Variants in TRIM23 observed in about 807,000 individuals in gnomAD.
TRIM23 encodes E3 ubiquitin-protein ligase TRIM23.
A neutral mutation model predicts 71.0 loss-of-function variants in TRIM23; 27 were observed. The observed-to-expected ratio is 0.38, with a 90% CI of 0.28 to 0.52. The LOEUF is 0.52. TRIM23 is among the 20% of genes least tolerant of loss of function. The probability of loss-of-function intolerance (pLI) is 0.84; values close to 1 mark genes in which losing one functional copy is unlikely to be tolerated. For missense variants in TRIM23, 482 were observed against 692.3 expected, an observed-to-expected ratio of 0.70 and a Z score of 3.41; for synonymous variants, 234 against 238.0, an observed-to-expected ratio of 0.98 and a Z score of 0.16.
intron 1 of TRIM23, among the ~76,000 whole-genome samples, chr5:65,623,981 C>T (rs1003330210): frequency 2.0e-5 from 3 of 152,168 alleles, no homozygotes; most frequent in Non-Finnish European, 4.4e-5. Context: ...CACAAATGTC[C>T]CGATGATGAC....
Position 65,610,986 on chromosome 5 carries a change from G to C in TRIM23, c.703C>G (p.His235Asp), listed in dbSNP as rs760798136. Residue 235 changes from histidine to aspartate, a missense_variant, in exon 5 of 11, where the codon CAC becomes GAC. Physicochemically the swap from His to Asp is moderately conservative, Grantham distance 81. Around this residue, in one of 2 missense-constraint regions of TRIM23, gnomAD observed 307 missense variants for 495.8 expected, o/e 0.62. Transcript: ENST00000231524. The stretch of plus-strand genomic sequence containing the variant: ...TCCTCTGTGAAGGTCCGTATGCAGT[G>C]AGCCATATCTAAAATTGATGCTCGG... The part of the protein sequence containing the change: ...QIRASILDMA[H>D]CIRTFTEEIS... 1 of 1,613,628 alleles carries C rather than the reference G, an allele frequency of 6.2e-7. No individual in the cohort carries two copies. Among genetic ancestry groups the C allele is most frequent in the Non-Finnish European group, 8.5e-7 (1 of 1,179,864 alleles).
chr5:65,592,142 G>T (rs548696034), intron 10 of TRIM23, among the ~76,000 whole-genome samples, 194 bp from the exon 11 acceptor site: 2 of 152,140 alleles, frequency 1.3e-5, no homozygotes, highest in Non-Finnish European at 2.9e-5. Flanking sequence ...ATTTATATGT[G>T]TGTGTATGTA....
At chr5:65,609,956 C>T (rs1165210298) in intron 5 of TRIM23, among the ~76,000 whole-genome samples, 1 of 152,138 alleles carries the variant, frequency 6.6e-6, no homozygotes, top group African/African-American at 2.4e-5. Flanking sequence ...ATTATCAGCT[C>T]TCTTTCATAG....
intron 6 of TRIM23, 85 bp downstream of exon 6, chr5:65,609,158 A>G: frequency 2.2e-6 from 3 of 1,378,462 alleles, no homozygotes; most frequent in Non-Finnish European, 3.0e-6. Flanking sequence ...GACACAAAAT[A>G]TTAATAAAAC....
chr5:65,601,674 C>T (rs545147198), intron 7 of TRIM23, among the ~76,000 whole-genome samples: 2 of 152,256 alleles, frequency 1.3e-5, no homozygotes, highest in East Asian at 3.9e-4. Flanking sequence ...CCCTCCAAAC[C>T]CTGCCCTTAC....
chr5:65,590,894 C>T lies in TRIM23; in HGVS notation c.*875G>A, dbSNP rs1754002528. 5 of 985,090 alleles carry T rather than the reference C, an allele frequency of 5.1e-6. No homozygotes were observed. Among genetic ancestry groups the T allele is most frequent in the Non-Finnish European group, 4.8e-6 (4 of 829,866 alleles). 61.0% of individuals were successfully genotyped at this position (985,090 alleles called of 1,614,324 possible). A position where few individuals can be genotyped will look rare whatever the true frequency, so the allele number is the denominator to read the frequency against. ...TTAAATAAAGCCAACCCTGGTTCTGCGTTACTTACTACATTTTACCTATAG... is the reference window on the plus strand; with the variant it reads ...TTAAATAAAGCCAACCCTGGTTCTGTGTTACTTACTACATTTTACCTATAG... On this transcript the variant is annotated 3_prime_UTR_variant, in exon 11 of 11. Coordinates refer to ENST00000231524, the MANE Select transcript of TRIM23 (RefSeq NM_001656.4).
At chr5:65,619,044 T>C (rs968587128) in intron 1 of TRIM23, among the ~76,000 whole-genome samples, 1 of 152,214 alleles carries the variant, frequency 6.6e-6, no homozygotes, top group Non-Finnish European at 1.5e-5. Flanking sequence ...CTAAGTATAT[T>C]TGTAGTGTTT....
At chr5:65,598,690 G>A (rs142189183) in intron 7 of TRIM23, among the ~76,000 whole-genome samples, 2,886 of 151,672 alleles carry the variant, frequency 0.019, 71 homozygotes, top group African/African-American at 0.058. Flanking sequence ...GGAGAATGCA[G>A]TGAGCCGAGA....
chr5:65,615,686 A>G (rs1754759880), intron 2 of TRIM23, among the ~76,000 whole-genome samples: 2 of 152,374 alleles, frequency 1.3e-5, no homozygotes, highest in East Asian at 3.9e-4. Flanking sequence ...TAAGAAGTAC[A>G]CTAAGTGATC....
chr5:65,609,199 C>T (rs775869177), intron 6 of TRIM23, 44 bp downstream of exon 6: 8 of 1,593,050 alleles, frequency 5.0e-6, no homozygotes, highest in African/African-American at 2.7e-5. Flanking sequence ...TAATTATCTA[C>T]TTAAACTTAC....
At chr5:65,594,279 G>A (rs1037966474) in intron 10 of TRIM23, among the ~76,000 whole-genome samples, 1 of 152,008 alleles carries the variant, frequency 6.6e-6, no homozygotes, top group South Asian at 2.1e-4. Context: ...AGTCTTCTTC[G>A]TATTCAGATC....
Position 65,611,646 on chromosome 5 carries a change from A to G in TRIM23, c.602T>C (p.Met201Thr). Residue 201 changes from methionine (M) to threonine (T), a missense_variant, in exon 4 of 11, where the codon ATG becomes ACG. By Grantham distance (81) the Met-to-Thr change is moderately conservative (BLOSUM62 -1). Transcript: ENST00000231524. The stretch of plus-strand genomic sequence containing the variant: ...TCCATATTCTTTGCAGACACAGCAC[A>G]TGAGTGGGCTAGTTTGACAACCTTC... ...LEEGCQTSPL[M>T]CCVCKEYGKH... The G allele has an allele frequency of 6.2e-7, 1 of 1,614,220 alleles. No homozygotes were observed. The highest frequency in any genetic ancestry group is 1.3e-5 in the African/African-American group (1 of 75,060).
rs1456989431 is a variant in TRIM23, at chr5:65,624,184, G to C, written c.81+10C>G. On this transcript the variant is annotated intron_variant, in intron 1 of 10. Transcript: ENST00000231524. ...CGATGGTGGAGAATAGAGCACGCAAGGTCCCTCACCTTCACTACAGCTGTC... is the reference window on the plus strand; with the variant it reads ...CGATGGTGGAGAATAGAGCACGCAACGTCCCTCACCTTCACTACAGCTGTC... 1 of 1,614,168 alleles carries C rather than the reference G, an allele frequency of 6.2e-7. No homozygotes were observed. The highest frequency in any genetic ancestry group is 1.3e-5 in the African/African-American group (1 of 75,074).
intron 3 of TRIM23, among the ~76,000 whole-genome samples, chr5:65,612,522 A>T (rs1263306721): frequency 6.7e-6 from 1 of 149,718 alleles, no homozygotes; most frequent in Non-Finnish European, 1.5e-5. Flanking sequence ...ATTTAAGCAA[A>T]TAAAAAAAAA....
At chr5:65,611,521 T>C in intron 4 of TRIM23, 82 bp downstream of exon 4, 1 of 1,476,266 alleles carries the variant, frequency 6.8e-7, no homozygotes, top group Non-Finnish European at 9.1e-7. Flanking sequence ...ACTTTCAGAA[T>C]AAAGAACCAG....
intron 7 of TRIM23, among the ~76,000 whole-genome samples, chr5:65,601,436 A>G (rs1438943628): frequency 6.6e-6 from 1 of 152,210 alleles, no homozygotes; most frequent in Non-Finnish European, 1.5e-5. Context: ...TGGCAGCAGC[A>G]AGAGAAAAAT....
At chr5:65,610,012 A>T (rs1754610852) in intron 5 of TRIM23, among the ~76,000 whole-genome samples, 1 of 152,126 alleles carries the variant, frequency 6.6e-6, no homozygotes, top group African/African-American at 2.4e-5. Context: ...AATACACCCA[A>T]AATCTGATCA....
At chr5:65,613,350 C>A (rs1754699845) in intron 3 of TRIM23, among the ~76,000 whole-genome samples, 1 of 152,124 alleles carries the variant, frequency 6.6e-6, no homozygotes, top group Non-Finnish European at 1.5e-5. Flanking sequence ...AAGAAATCAT[C>A]ATCTAATGAA....
At chr5:65,595,328 C>T (rs958645959) in intron 9 of TRIM23, among the ~76,000 whole-genome samples, 7 of 151,948 alleles carry the variant, frequency 4.6e-5, no homozygotes, top group African/African-American at 1.4e-4. Context: ...GAGGCCAAGA[C>T]GGGCGGATCA....
Sources: gnomAD v4.1 joint callset for allele counts (sites outside exome capture counted in the v4.1 genomes callset) on GRCh38, gnomAD v4.1.1 for gene constraint, gnomAD v4.1.1 regional missense constraint, MANE v1.5 for transcripts, NCBI Gene and HGNC (gene_info 2026-07-23, HGNC 2026-07-21) for gene names.